Variants in APBB2 observed in about 807,000 individuals in gnomAD.
The protein encoded by APBB2 is amyloid beta precursor protein binding family B member 2, also known as Fe65-like 1.
APBB2 carries 38 observed loss-of-function variants against 82.5 expected under a neutral mutation model. The ratio of observed to expected loss-of-function variants is 0.46; its 90% CI spans 0.36 to 0.60. APBB2 has a LOEUF of 0.60. Ranked by LOEUF, APBB2 falls within the 20% of genes least tolerant of loss-of-function variation. The probability of loss-of-function intolerance (pLI) is 0.00; values close to 1 mark genes in which losing one functional copy is unlikely to be tolerated. For synonymous variants in APBB2, 341 were observed against 368.2 expected (o/e 0.93, Z 0.85); for missense variants, 772 against 972.3 (o/e 0.79, Z 2.74).
intron 3 of APBB2, among the ~76,000 whole-genome samples, chr4:41,076,739 A>G (rs2153917026): frequency 6.6e-6 from 1 of 152,306 alleles, no homozygotes; most frequent in South Asian, 2.1e-4. Flanking sequence ...CCAGCATGAC[A>G]GACAGGAACT....
At chr4:40,871,025 A>G (rs1765378804) in intron 12 of APBB2, among the ~76,000 whole-genome samples, 3 of 150,844 alleles carry the variant, frequency 2.0e-5, no homozygotes, top group African/African-American at 7.3e-5. Context: ...TATATGTGTA[A>G]GTGTCTCTCA....
chr4:40,824,207 G>A (rs1440271711), intron 15 of APBB2, among the ~76,000 whole-genome samples: 1 of 152,070 alleles, frequency 6.6e-6, no homozygotes, highest in African/African-American at 2.4e-5. Context: ...TTCAGTAGGA[G>A]AGGAGAGTCA....
chr4:41,206,035 T>C (rs1414016004), intron 1 of APBB2, among the ~76,000 whole-genome samples: 1 of 152,126 alleles, frequency 6.6e-6, no homozygotes, highest in Non-Finnish European at 1.5e-5. Flanking sequence ...CCAGTAGTTA[T>C]CCCTCCACAG....
intron 6 of APBB2, among the ~76,000 whole-genome samples, chr4:41,007,607 G>A (rs1807116766): frequency 1.3e-5 from 2 of 152,118 alleles, no homozygotes; most frequent in African/African-American, 2.4e-5. Flanking sequence ...TTCTTTCCAG[G>A]AGCCTAGAAC....
intron 2 of APBB2, among the ~76,000 whole-genome samples, chr4:41,128,416 T>C (rs1319164508): frequency 6.6e-6 from 1 of 152,220 alleles, no homozygotes; most frequent in African/African-American, 2.4e-5. Flanking sequence ...GTTGGGTATA[T>C]ATCCAAAGCA....
At position 40,878,706 on chromosome 4, in the gene APBB2, C is replaced by G. The variant is rs114207330; in HGVS notation, c.1529+11658G>C. On this transcript the variant is annotated intron_variant, in intron 12 of 17. Transcript: ENST00000508593. ...GTCTCCCCTCCCCCATCACACTCTT[C>G]TAGATGAGTGAATGGTGTCAGAGCC... is the stretch of plus-strand genomic sequence containing the variant. Among the ~76,000 whole-genome samples, 976 of 152,278 alleles carry G rather than the reference C, an allele frequency of 6.4e-3. 10 individuals are homozygous for G. Among genetic ancestry groups the G allele is most frequent in the African/African-American group, 0.022 (918 of 41,552 alleles).
At chr4:40,990,997 T>G (rs1801866772) in intron 6 of APBB2, among the ~76,000 whole-genome samples, 1 of 147,328 alleles carries the variant, frequency 6.8e-6, no homozygotes, top group Non-Finnish European at 1.5e-5. Flanking sequence ...TCTGGTCATT[T>G]TGGACTGAGT....
intron 2 of APBB2, among the ~76,000 whole-genome samples, chr4:41,122,622 T>A (rs954735072): frequency 6.6e-6 from 1 of 152,208 alleles, no homozygotes; most frequent in Non-Finnish European, 1.5e-5. Flanking sequence ...CCTACTTTTA[T>A]AACACTCTTA....
chr4:41,057,867 G>C (rs1053989931), intron 4 of APBB2, among the ~76,000 whole-genome samples: 1 of 152,122 alleles, frequency 6.6e-6, no homozygotes. Flanking sequence ...TTTCCTCCCC[G>C]CTCTTCCTTT....
chr4:41,059,906 G>C (rs574183103), intron 4 of APBB2, among the ~76,000 whole-genome samples: 21 of 152,020 alleles, frequency 1.4e-4, no homozygotes, highest in African/African-American at 2.2e-4. Context: ...CTCCGCACCG[G>C]GAGGCAGAGG....
At chr4:41,175,602 AGTT>A (rs1198697278) in intron 1 of APBB2, among the ~76,000 whole-genome samples, 1 of 152,180 alleles carries the variant, frequency 6.6e-6, no homozygotes, top group Admixed American at 6.6e-5. Context: ...TATTTACACC[AGTT>A]GTTCTTACAA....
chr4:40,895,808 G>T (rs1330378636), intron 10 of APBB2, among the ~76,000 whole-genome samples: 1 of 152,140 alleles, frequency 6.6e-6, no homozygotes, highest in South Asian at 2.1e-4. Context: ...AATGTCAAAA[G>T]TATTATCTCA....
intron 2 of APBB2, among the ~76,000 whole-genome samples, chr4:41,126,071 G>A (rs540543049): frequency 1.3e-5 from 2 of 152,204 alleles, no homozygotes; most frequent in African/African-American, 4.8e-5. Flanking sequence ...GACAAGGTAT[G>A]CAGCTTCCAA....
chr4:40,973,332 C>A (rs1227096483), intron 6 of APBB2, among the ~76,000 whole-genome samples: 1 of 152,208 alleles, frequency 6.6e-6, no homozygotes, highest in Admixed American at 6.5e-5. Flanking sequence ...CTCAAATTCA[C>A]AGGTGTCAAT....
chr4:40,929,167 C>T (rs1015403844), intron 10 of APBB2, among the ~76,000 whole-genome samples: 1 of 151,652 alleles, frequency 6.6e-6, no homozygotes, highest in Non-Finnish European at 1.5e-5. Context: ...TGTAACTTTG[C>T]TGTAAATCTA....
At chr4:41,001,376 A>G (rs897290838) in intron 6 of APBB2, among the ~76,000 whole-genome samples, 1 of 152,200 alleles carries the variant, frequency 6.6e-6, no homozygotes, top group Non-Finnish European at 1.5e-5. Context: ...AACACAACAA[A>G]ACCAGCTTCT....
intron 10 of APBB2, among the ~76,000 whole-genome samples, chr4:40,919,617 C>T (rs1429258517): frequency 6.6e-6 from 1 of 152,208 alleles, no homozygotes; most frequent in Non-Finnish European, 1.5e-5. Context: ...GGCTAAGCCC[C>T]ACATTGCCTC....
chr4:40,988,114 G>C (rs190550132), intron 6 of APBB2, among the ~76,000 whole-genome samples: 1 of 152,292 alleles, frequency 6.6e-6, no homozygotes, highest in Admixed American at 6.5e-5. Flanking sequence ...TGGTCACCAT[G>C]ACTAAGTGAC....
At chr4:40,889,086 TC>T (rs1771211860) in intron 12 of APBB2, among the ~76,000 whole-genome samples, 1 of 152,040 alleles carries the variant, frequency 6.6e-6, no homozygotes, top group South Asian at 2.1e-4. Context: ...ATCCACCCAT[TC>T]CCCCAAAGCA....
Sources: allele counts gnomAD v4.1 joint callset (sites outside exome capture counted in the v4.1 genomes callset), GRCh38; gene constraint gnomAD v4.1.1; transcripts MANE v1.5; gene names NCBI Gene and HGNC (gene_info 2026-07-23, HGNC 2026-07-21).